The following SLC2A14 variants were observed in gnomAD, a reference collection of about 807,000 sequenced individuals.
SLC2A14 encodes solute carrier family 2 member 14.
A neutral mutation model predicts 43.0 loss-of-function variants in SLC2A14; 13 were observed. That is an observed-to-expected ratio of 0.30 (90% confidence interval 0.20 to 0.48). SLC2A14 has a LOEUF of 0.48. Ranked by LOEUF, SLC2A14 falls within the 20% of genes least tolerant of loss-of-function variation. The pLI is 0.99. For missense variants in SLC2A14, 428 were observed against 620.4 expected (o/e 0.69, Z 3.29); for synonymous variants, 190 against 233.8 (o/e 0.81, Z 1.71).
chr12:7,879,695 TA>T (rs1462252096), intron 1 of SLC2A14, among the ~76,000 whole-genome samples: 2 of 149,570 alleles, frequency 1.3e-5, no homozygotes, highest in Non-Finnish European at 1.5e-5. Context: ...AAAAAATAAA[TA>T]AAAAAAATAT....
intron 2 of SLC2A14, among the ~76,000 whole-genome samples, chr12:7,848,813 C>T (rs765624400): frequency 9.7e-4 from 147 of 151,482 alleles, no homozygotes; most frequent in Non-Finnish European, 1.7e-3. Flanking sequence ...GCTTCGACCT[C>T]CCAAAGTGCT....
intron 1 of SLC2A14, among the ~76,000 whole-genome samples, chr12:7,882,152 C>G (rs1440359056): frequency 6.6e-6 from 1 of 152,020 alleles, no homozygotes; most frequent in East Asian, 1.9e-4. Flanking sequence ...GTCTGCACTG[C>G]TTTTATGAGC....
intron 2 of SLC2A14, among the ~76,000 whole-genome samples, chr12:7,845,250 G>A (rs1226012401): frequency 6.6e-6 from 1 of 152,046 alleles, no homozygotes; most frequent in African/African-American, 2.4e-5. Context: ...AGGGGTCAAT[G>A]GATATCACAG....
chr12:7,827,630 C>T lies in SLC2A14; in HGVS notation c.729G>A (p.Met243Ile), dbSNP rs267603694. Residue 243 changes from methionine (M) to isoleucine (I), a missense_variant, in exon 7 of 11, where the codon ATG (methionine) becomes ATA (isoleucine). By Grantham distance (10) the Met-to-Ile change is conservative (BLOSUM62 1). Around this residue, in one of 4 missense-constraint regions of SLC2A14, gnomAD observed 185 missense variants for 275.4 expected, o/e 0.67. Transcript: ENST00000431042. ...GTGACATCCTTGCACTCTCATCTTT[C>T]ATCTCCTGGATGTCTTGGGATACAT... ...TQDVSQDIQE[M>I]KDESARMSQE... The T allele has an allele frequency of 6.2e-7, 1 of 1,613,102 alleles. No individual in the cohort carries two copies. The highest frequency in any genetic ancestry group is 8.5e-7 in the Non-Finnish European group (1 of 1,179,804).
rs182227654 is a variant in SLC2A14 at position 7,831,558 on chromosome 12, A to G, written c.272+46T>C. 2.1e-3 allele frequency: 3,300 copies of G among 1,609,660 alleles called. 8 individuals are homozygous for G. Among genetic ancestry groups the G allele is most frequent in the South Asian group, 4.3e-3 (391 of 90,922 alleles). On this transcript the variant is annotated intron_variant, in intron 4 of 10. Coordinates refer to ENST00000431042, the MANE Select transcript of SLC2A14 (RefSeq NM_001286234.2). ...CCCTAACTCTCCACACTTGTCCCCAATGCATCTGGTAGAGCCCACTTCCTT... is the reference window on the plus strand; with the variant it reads ...CCCTAACTCTCCACACTTGTCCCCAGTGCATCTGGTAGAGCCCACTTCCTT...
At chr12:7,874,754 T>TGTATATATAAA (rs1381596146), upstream of SLC2A14, among the ~76,000 whole-genome samples, 5 of 76,690 alleles carry the variant, frequency 6.5e-5, no homozygotes, top group African/African-American at 2.5e-4. Flanking sequence ...TATATAAATA[T>TGTATATATAAA]TTATATAACT....
chr12:7,885,283 G>T (rs1276506466), intron 1 of SLC2A14, among the ~76,000 whole-genome samples: 1 of 152,118 alleles, frequency 6.6e-6, no homozygotes, highest in East Asian at 1.9e-4. Flanking sequence ...TGGCCAACAT[G>T]GCAAAACCCC....
At chr12:7,834,454 C>T (rs906519082) in intron 2 of SLC2A14, among the ~76,000 whole-genome samples, 13 of 150,678 alleles carry the variant, frequency 8.6e-5, no homozygotes, top group African/African-American at 2.7e-4. Flanking sequence ...TTTGGGAGGT[C>T]GAGGCAGAAG....
At chr12:7,872,723 T>C (rs1945305149) in intron 1 of SLC2A14, 84 bp downstream of exon 1, 1 of 959,766 alleles carries the variant, frequency 1.0e-6, no homozygotes, top group Non-Finnish European at 1.2e-6. Flanking sequence ...GCCGCCCACC[T>C]CTACTCTAGC....
At chr12:7,814,656 A>G in intron 10 of SLC2A14, 122 bp from the exon 11 acceptor site, 1 of 1,065,538 alleles carries the variant, frequency 9.4e-7, no homozygotes. Flanking sequence ...TTTAATGAAA[A>G]CATAAAGGTT....
At chr12:7,851,615 A>C (rs1341052361) in intron 2 of SLC2A14, among the ~76,000 whole-genome samples, 1 of 152,212 alleles carries the variant, frequency 6.6e-6, no homozygotes, top group African/African-American at 2.4e-5. Context: ...TAAGTAAAAA[A>C]GCATTAGGAA....
intron 4 of SLC2A14, 135 bp downstream of exon 4, chr12:7,831,469 T>G: frequency 7.4e-7 from 1 of 1,349,902 alleles, no homozygotes; most frequent in Non-Finnish European, 1.0e-6. Context: ...TCGGGGCCAG[T>G]TGGGCTAGTT....
Position 7,871,961 on chromosome 12 carries a change from A to T in SLC2A14, c.-58+846T>A, listed in dbSNP as rs1006093824. 10 of 957,462 alleles carry T rather than the reference A, an allele frequency of 1.0e-5. 1 individual carries two copies. In the African/African-American group the frequency reaches 1.4e-4, roughly 14 times the overall value. The allele number at this position is 957,462 out of a possible 1,614,324, so 59.3% of individuals were successfully genotyped here. A position where few individuals can be genotyped will look rare whatever the true frequency, so the allele number is the denominator to read the frequency against. On this transcript the variant is annotated intron_variant, in intron 1 of 10. Transcript: ENST00000431042. ...CTCCAATAGAGGGCTGAGCATGGAAAAAAAACAAAAAAAAGAAAAAGAAAA... is the reference window on the plus strand; with the variant it reads ...CTCCAATAGAGGGCTGAGCATGGAATAAAAACAAAAAAAAGAAAAAGAAAA...
At chr12:7,825,489 C>T (rs11055981) in intron 7 of SLC2A14, among the ~76,000 whole-genome samples, 1 of 144,336 alleles carries the variant, frequency 6.9e-6, no homozygotes, top group African/African-American at 2.5e-5. Flanking sequence ...GCAAGCCAGG[C>T]GCGGTGGCTC....
upstream of SLC2A14, among the ~76,000 whole-genome samples, chr12:7,874,755 T>A (rs1169655682): frequency 7.9e-5 from 7 of 89,122 alleles, no homozygotes; most frequent in Non-Finnish European, 1.4e-4. Flanking sequence ...ATATAAATAT[T>A]TATATAACTA....
intron 2 of SLC2A14, among the ~76,000 whole-genome samples, chr12:7,857,234 A>G (rs1565557187): frequency 6.7e-6 from 1 of 149,924 alleles, no homozygotes; most frequent in Non-Finnish European, 1.5e-5. Context: ...TGGGTGACAG[A>G]GCAAGAATCC....
At position 7,813,615 on chromosome 12, in the gene SLC2A14, T is replaced by C. The variant is rs1188499956; in HGVS notation, c.*701A>G. 1.3e-5 allele frequency: 2 copies of C among 152,218 alleles called. No homozygotes were observed. The highest frequency in any genetic ancestry group is 4.8e-5 in the African/African-American group (2 of 41,458). The allele number at this position is 152,218 out of a possible 1,614,324, so 9.4% of individuals were successfully genotyped here. A position where few individuals can be genotyped will look rare whatever the true frequency, so the allele number is the denominator to read the frequency against. On this transcript the variant is annotated 3_prime_UTR_variant, in exon 11 of 11. Transcript: ENST00000431042. ...TTTCCATCTGAAGGACAGAAATTGT[T>C]AAGAGGTAATGTACAGACCTCAGGC...
intron 2 of SLC2A14, chr12:7,856,037 A>G (rs1867344989): frequency 6.6e-6 from 1 of 152,158 alleles, no homozygotes; most frequent in South Asian, 2.1e-4. Context: ...AAAAATTTTT[A>G]TATTTTTAAT....
At chr12:7,888,856 G>A (rs1945731787) in intron 1 of SLC2A14, among the ~76,000 whole-genome samples, 2 of 150,232 alleles carry the variant, frequency 1.3e-5, no homozygotes, top group South Asian at 4.2e-4. Flanking sequence ...AATTAGAAGA[G>A]ATTTAATTTA....
Sources: gnomAD v4.1 joint callset for allele counts (sites outside exome capture counted in the v4.1 genomes callset) on GRCh38, gnomAD v4.1.1 for gene constraint, gnomAD v4.1.1 regional missense constraint, MANE v1.5 for transcripts, NCBI Gene and HGNC (gene_info 2026-07-23, HGNC 2026-07-21) for gene names.